Variants in CEP78 observed in about 807,000 individuals in gnomAD.
The protein encoded by CEP78 is centrosomal protein 78, also known as centrosomal protein of 78 kDa.
CEP78 carries 76 observed loss-of-function variants against 81.2 expected under a neutral mutation model. That is an observed-to-expected ratio of 0.94 (90% confidence interval 0.78 to 1.13). CEP78 has a LOEUF of 1.13. Among genes scored for constraint, CEP78 ranks in the 50% most tolerant of loss-of-function variants. The pLI is 0.00. For synonymous variants in CEP78, 293 were observed against 301.4 expected (o/e 0.97, Z 0.29); for missense variants, 918 against 846.8 (o/e 1.08, Z -1.04).
At chr9:78,259,055 A>G (rs922753403) in intron 11 of CEP78, among the ~76,000 whole-genome samples, 7 of 152,254 alleles carry the variant, frequency 4.6e-5, no homozygotes, top group Non-Finnish European at 8.8e-5. Context: ...ATTATTTGTA[A>G]TAGTCCAACC....
intron 1 of CEP78, among the ~76,000 whole-genome samples, chr9:78,237,994 G>A (rs1307490127): frequency 6.6e-6 from 1 of 151,178 alleles, no homozygotes; most frequent in Non-Finnish European, 1.5e-5. Context: ...GCGTGGTGGC[G>A]GGCACCTGTA....
Position 78,266,646 on chromosome 9 carries a change from A to C in CEP78, c.2050A>C (p.Lys684Gln), listed in dbSNP as rs373862621. The C allele has an allele frequency of 6.2e-7, 1 of 1,612,586 alleles. No individual in the cohort carries two copies. The highest frequency in any genetic ancestry group is 1.3e-5 in the African/African-American group (1 of 75,030). The change falls in exon 16 of 17, where the codon AAA becomes CAA. Residue 684 changes from lysine (K) to glutamine (Q), a missense_variant. By Grantham distance (53) the Lys-to-Gln change is moderately conservative. Coordinates refer to ENST00000643273, the MANE Select transcript of CEP78 (RefSeq NM_001330691.3). Reference sequence around the variant, plus strand: ...GACTTCTGGAACTGGAAGTCAAAGAAAAGAAGAGGAGTTGTCCAGAAATAG... The same window carrying C: ...GACTTCTGGAACTGGAAGTCAAAGACAAGAAGAGGAGTTGTCCAGAAATAG... ...DATSGTGSQRKEEELSRNSRS... is the reference protein window; with the variant it reads ...DATSGTGSQRQEEELSRNSRS...
chr9:78,237,955 CAAAA>C (rs557546978), intron 1 of CEP78, among the ~76,000 whole-genome samples: 24 of 106,082 alleles, frequency 2.3e-4, no homozygotes, highest in South Asian at 1.7e-3. Flanking sequence ...ACTAAAAATA[CAAAA>C]AAAAAAAAAA....
At chr9:78,239,419 C>G (rs1200935413) in intron 1 of CEP78, among the ~76,000 whole-genome samples, 2 of 152,216 alleles carry the variant, frequency 1.3e-5, no homozygotes, top group Non-Finnish European at 2.9e-5. Flanking sequence ...ACTGAAATCT[C>G]AGCTGTGTTC....
At position 78,271,180 on chromosome 9, in the gene CEP78, A is replaced by G. The variant is rs1827681393; in HGVS notation, c.*329A>G. On this transcript the variant is annotated 3_prime_UTR_variant, in exon 17 of 17. Coordinates refer to ENST00000643273, the MANE Select transcript of CEP78 (RefSeq NM_001330691.3). ...CTATGATGACCTGCCACTTCCGTTTATAATCACCATATAAGTGCCTGTAAT... is the reference window on the plus strand; with the variant it reads ...CTATGATGACCTGCCACTTCCGTTTGTAATCACCATATAAGTGCCTGTAAT... 9.8e-6 allele frequency: 2 copies of G among 204,468 alleles called. No individual in the cohort carries two copies. The highest frequency in any genetic ancestry group is 1.2e-4 in the East Asian group (1 of 8,642). The allele number at this position is 204,468 out of a possible 1,614,324, so 12.7% of individuals were successfully genotyped here.
At chr9:78,247,080 T>C (rs1461491935) in intron 6 of CEP78, among the ~76,000 whole-genome samples, 1 of 152,244 alleles carries the variant, frequency 6.6e-6, no homozygotes, top group African/African-American at 2.4e-5. Flanking sequence ...ATTCATTTGT[T>C]GATTTGACAA....
intron 16 of CEP78, among the ~76,000 whole-genome samples, chr9:78,268,558 G>A (rs1241117662): frequency 2.6e-5 from 4 of 152,072 alleles, no homozygotes; most frequent in Non-Finnish European, 4.4e-5. Context: ...ACACTTTTCT[G>A]AAGAGCATTT....
At position 78,251,965 on chromosome 9, in the gene CEP78, A is replaced by G. The variant is rs1372873789; in HGVS notation, c.1127A>G (p.Tyr376Cys). 2 of 1,609,376 alleles carry G rather than the reference A, an allele frequency of 1.2e-6. No individual in the cohort carries two copies. The highest frequency in any genetic ancestry group is 1.7e-6 in the Non-Finnish European group (2 of 1,176,868). The change falls in exon 9 of 17, where the codon TAT (tyrosine) becomes TGT (cysteine). Residue 376 changes from tyrosine (Y) to cysteine (C), a missense_variant. By Grantham distance (194) the Tyr-to-Cys change is radical. Transcript: ENST00000643273. ...AGAAAACACTCCCTTGGTAAAGAATATTATGCGCCCGCACCTCTTCCACCT... is the reference window on the plus strand; with the variant it reads ...AGAAAACACTCCCTTGGTAAAGAATGTTATGCGCCCGCACCTCTTCCACCT... The part of the protein sequence containing the change: ...SGRKHSLGKE[Y>C]YAPAPLPPGV...
At position 78,279,031 on chromosome 9, in the gene CEP78, T is replaced by A. The variant is rs1381272198; in HGVS notation, c.*8180T>A. On this transcript the variant is annotated 3_prime_UTR_variant, in exon 17 of 17. Transcript: ENST00000643273. ...GGCTCAGAGAATGCCCGAGTTCTCT[T>A]AGTACAGTTTGTACATTTTAAACCA... 1.4e-5 allele frequency: 2 copies of A among 146,496 alleles called. No homozygotes were observed. Among genetic ancestry groups the A allele is most frequent in the African/African-American group, 5.2e-5 (2 of 38,630 alleles). The allele number at this position is 146,496 out of a possible 1,614,324, so 9.1% of individuals were successfully genotyped here.
At position 78,246,676 on chromosome 9, in the gene CEP78, C is replaced by G; in HGVS notation, c.786C>G (p.Asp262Glu). The G allele has an allele frequency of 1.3e-6, 2 of 1,596,542 alleles. No homozygotes were observed. Among genetic ancestry groups the G allele is most frequent in the Non-Finnish European group, 1.7e-6 (2 of 1,172,042 alleles). Residue 262 changes from aspartate to glutamate, a missense_variant, in exon 6 of 17, where the codon GAC (aspartate) becomes GAG (glutamate). Physicochemically the swap from Asp to Glu is conservative, Grantham distance 45. Transcript: ENST00000643273. Reference protein sequence around the residue: ...LSEDLWLRALDLQQCGLTNEG... With the variant: ...LSEDLWLRALELQQCGLTNEG... ...TTTGTCTTTCATCGAAAGCTCTTGA[C>G]CTGCAACAGTGCGGCCTCACCAATG...
At chr9:78,242,822 C>G (rs1258366465) in intron 4 of CEP78, among the ~76,000 whole-genome samples, 2 of 152,046 alleles carry the variant, frequency 1.3e-5, no homozygotes, top group East Asian at 3.9e-4. Flanking sequence ...AAAACTCAAA[C>G]CACCAATTTC....
intron 8 of CEP78, among the ~76,000 whole-genome samples, chr9:78,251,281 T>C (rs371192423): frequency 5.3e-5 from 8 of 152,230 alleles, no homozygotes; most frequent in Non-Finnish European, 1.5e-5. Context: ...GACAGACTTA[T>C]AGGCGGCAAC....
intron 13 of CEP78, among the ~76,000 whole-genome samples, chr9:78,264,525 A>ACTTATCTGG (rs1392646555): frequency 6.6e-6 from 1 of 151,986 alleles, no homozygotes; most frequent in African/African-American, 2.4e-5. Context: ...GAAAGAGTAA[A>ACTTATCTGG]CTTATCTGGC....
In CEP78 at chr9:78,276,151, A is replaced by T. The variant is rs1827799332; in HGVS notation, c.*5300A>T. Reference sequence around the variant, plus strand: ...ATCCAAAATAAAACTAGCAGTTTGAATTCAGCATTGTAGCAAAAGATATAT... The same window carrying T: ...ATCCAAAATAAAACTAGCAGTTTGATTTCAGCATTGTAGCAAAAGATATAT... On this transcript the variant is annotated 3_prime_UTR_variant, in exon 17 of 17. Coordinates refer to ENST00000643273, the MANE Select transcript of CEP78 (RefSeq NM_001330691.3). The T allele has an allele frequency of 6.6e-6, 1 of 152,232 alleles. No individual in the cohort carries two copies. The highest frequency in any genetic ancestry group is 1.5e-5 in the Non-Finnish European group (1 of 68,044). 9.4% of individuals were successfully genotyped at this position (152,232 alleles called of 1,614,324 possible).
At position 78,240,289 on chromosome 9, in the gene CEP78, A is replaced by G; in HGVS notation, c.427-3A>G. Reference sequence around the variant, plus strand: ...CATTTTTAACTTTTCCCCCTCATTAAAGGGATTGAATAAATCGGCTTCTTT... The same window carrying G: ...CATTTTTAACTTTTCCCCCTCATTAGAGGGATTGAATAAATCGGCTTCTTT... On this transcript the variant is annotated splice_polypyrimidine_tract_variant and splice_region_variant and intron_variant, in intron 2 of 16. Coordinates refer to ENST00000643273, the MANE Select transcript of CEP78 (RefSeq NM_001330691.3). The G allele has an allele frequency of 6.2e-7, 1 of 1,605,282 alleles. No homozygotes were observed. The highest frequency in any genetic ancestry group is 1.7e-5 in the Admixed American group (1 of 58,610).
At chr9:78,243,168 A>G (rs781161726) in intron 4 of CEP78, among the ~76,000 whole-genome samples, 4 of 152,216 alleles carry the variant, frequency 2.6e-5, no homozygotes, top group Non-Finnish European at 4.4e-5. Flanking sequence ...TTCACTTGGC[A>G]TATAAAGAAA....
At chr9:78,269,530 CAAAG>C (rs1283346625) in intron 16 of CEP78, among the ~76,000 whole-genome samples, 2 of 152,206 alleles carry the variant, frequency 1.3e-5, no homozygotes, top group African/African-American at 2.4e-5. Flanking sequence ...AAGTGATAAG[CAAAG>C]AAAGGATTCT....
chr9:78,265,133 AATAC>A (rs1333557053), intron 13 of CEP78, among the ~76,000 whole-genome samples: 2 of 152,320 alleles, frequency 1.3e-5, no homozygotes, highest in African/African-American at 4.8e-5. Flanking sequence ...AGAGGTATCT[AATAC>A]ATTGTTGGGG....
intron 13 of CEP78, 60 bp downstream of exon 13, chr9:78,264,376 G>A: frequency 7.0e-7 from 1 of 1,428,970 alleles, no homozygotes; most frequent in Non-Finnish European, 9.7e-7. Context: ...GTTTTGCTGA[G>A]GAACTTGAGC....
Sources: gnomAD v4.1 joint callset for allele counts (sites outside exome capture counted in the v4.1 genomes callset) on GRCh38, gnomAD v4.1.1 for gene constraint, MANE v1.5 for transcripts, NCBI Gene and HGNC (gene_info 2026-07-23, HGNC 2026-07-21) for gene names.